TCF20: variants seen among roughly 807,000 people sequenced by gnomAD.
TCF20 encodes the protein SPRE-binding protein.
Under a neutral mutation model 148.6 loss-of-function variants are expected in TCF20, and 3 were observed. That is an observed-to-expected ratio of 0.02 (90% confidence interval 0.01 to 0.05). The LOEUF (loss-of-function observed/expected upper bound fraction) is 0.05, where lower values mean the gene tolerates loss of function less well. TCF20 is among the 10% of genes least tolerant of loss of function. TCF20 has a pLI of 1.00. For missense variants in TCF20, 2,350 were observed against 2,429.3 expected (o/e 0.97, Z 0.69); for synonymous variants, 1,049 against 909.5 (o/e 1.15, Z -2.76).
upstream of TCF20, among the ~76,000 whole-genome samples, chr22:42,287,023 C>G (rs1927044551): frequency 6.6e-6 from 1 of 151,482 alleles, no homozygotes; most frequent in Non-Finnish European, 1.5e-5. Flanking sequence ...GAAAGGCTTC[C>G]TGGAGGAGGA....
At chr22:42,342,050 C>A (rs1298214515) in intron 1 of TCF20, among the ~76,000 whole-genome samples, 3 of 152,090 alleles carry the variant, frequency 2.0e-5, no homozygotes, top group African/African-American at 7.2e-5. Flanking sequence ...GACCAGGGTA[C>A]ATCCACTTCC....
In TCF20 at chr22:42,212,437, T is replaced by C. The variant is rs1465504687; in HGVS notation, c.2869A>G (p.Lys957Glu). 4 of 1,614,100 alleles carry C rather than the reference T, an allele frequency of 2.5e-6. No individual in the cohort carries two copies. ...SGDHCHPPSIKHESYRGNASP... is the reference protein window; with the variant it reads ...SGDHCHPPSIEHESYRGNASP... ...GCATTGCCGCGGTAAGACTCATGCT[T>C]GATGCTAGGAGGATGGCAGTGGTCT... The change falls in exon 2 of 6, where the codon AAG becomes GAG. Residue 957 changes from lysine to glutamate, a missense_variant. Lys to Glu is a moderately conservative substitution (Grantham distance 56). This residue lies in a region of TCF20 where 1,641 missense variants were observed against 1,662.6 expected (regional missense o/e 0.99). Transcript: ENST00000677622.
At chr22:42,282,170 C>CCTT (rs968781473) in intron 1 of TCF20, among the ~76,000 whole-genome samples, 1 of 152,210 alleles carries the variant, frequency 6.6e-6, no homozygotes, top group Non-Finnish European at 1.5e-5. Context: ...CTTCCCCTGA[C>CCTT]CTTCTGCCTG....
At chr22:42,303,553 T>A (rs1927376957) in intron 1 of TCF20, among the ~76,000 whole-genome samples, 1 of 152,256 alleles carries the variant, frequency 6.6e-6, no homozygotes, top group Non-Finnish European at 1.5e-5. Flanking sequence ...TGAAGTAACT[T>A]GCCTGATAAG....
chr22:42,175,293 G>A (rs1446500480), intron 3 of TCF20, among the ~76,000 whole-genome samples: 2 of 152,186 alleles, frequency 1.3e-5, no homozygotes, highest in Admixed American at 1.3e-4. Context: ...AGCCTCCCGA[G>A]TACCTGAGAT....
At chr22:42,196,000 C>T (rs920745983) in intron 2 of TCF20, among the ~76,000 whole-genome samples, 3 of 152,150 alleles carry the variant, frequency 2.0e-5, no homozygotes, top group African/African-American at 4.8e-5. Flanking sequence ...CTGGTGAGGA[C>T]GACAATCAGA....
At chr22:42,230,740 A>C (rs1923325001) in intron 1 of TCF20, among the ~76,000 whole-genome samples, 1 of 152,220 alleles carries the variant, frequency 6.6e-6, no homozygotes, top group Non-Finnish European at 1.5e-5. Flanking sequence ...CAGTGGGCCA[A>C]GATGTGAAGC....
intron 5 of TCF20, among the ~76,000 whole-genome samples, chr22:42,161,790 T>C (rs1025052447): frequency 1.3e-5 from 2 of 152,182 alleles, no homozygotes; most frequent in Non-Finnish European, 2.9e-5. Context: ...TCCAGCCTTT[T>C]AGGACAGTTT....
At chr22:42,336,092 A>C (rs1928062656) in intron 1 of TCF20, among the ~76,000 whole-genome samples, 1 of 152,184 alleles carries the variant, frequency 6.6e-6, no homozygotes, top group Non-Finnish European at 1.5e-5. Context: ...GGCGCCAAAA[A>C]ACAGAGCAGG....
chr22:42,262,440 G>C (rs974189665), intron 1 of TCF20, among the ~76,000 whole-genome samples: 6 of 152,116 alleles, frequency 3.9e-5, no homozygotes, highest in African/African-American at 1.4e-4. Context: ...TACAGAGTTG[G>C]GGACAAATGC....
At chr22:42,321,516 T>C (rs1377979684) in intron 1 of TCF20, among the ~76,000 whole-genome samples, 1 of 150,396 alleles carries the variant, frequency 6.6e-6, no homozygotes, top group Non-Finnish European at 1.5e-5. Context: ...TGTCCTCTCT[T>C]CAACAAAATG....
At chr22:42,309,003 G>A (rs185010839) in intron 1 of TCF20, among the ~76,000 whole-genome samples, 1 of 152,256 alleles carries the variant, frequency 6.6e-6, no homozygotes, top group Non-Finnish European at 1.5e-5. Flanking sequence ...TGAACACCCA[G>A]GGAACACGCC....
intron 5 of TCF20, 100 bp from the exon 6 acceptor site, chr22:42,161,458 G>A: frequency 6.6e-7 from 1 of 1,515,478 alleles, no homozygotes; most frequent in Non-Finnish European, 9.1e-7. Flanking sequence ...TCAGCAGGGA[G>A]CCTGCACTCA....
intron 2 of TCF20, among the ~76,000 whole-genome samples, chr22:42,192,398 T>C (rs1393802269): frequency 6.6e-6 from 1 of 152,164 alleles, no homozygotes; most frequent in Non-Finnish European, 1.5e-5. Context: ...TCATATTACC[T>C]TCCTCTTTCG....
At chr22:42,342,703 G>A (rs757532910) in intron 1 of TCF20, among the ~76,000 whole-genome samples, 8 of 152,306 alleles carry the variant, frequency 5.3e-5, no homozygotes, top group Middle Eastern at 3.4e-3. Flanking sequence ...TCCAGAGCCC[G>A]ACCCTACTTC....
chr22:42,272,935 G>A (rs141281987), upstream of TCF20, among the ~76,000 whole-genome samples: 1,106 of 152,278 alleles, frequency 7.3e-3, 20 homozygotes, highest in African/African-American at 0.025. Context: ...GCCGAGGTGT[G>A]AGGATTGCTT....
chr22:42,333,252 G>A (rs1465861732), intron 1 of TCF20, among the ~76,000 whole-genome samples: 2 of 152,222 alleles, frequency 1.3e-5, no homozygotes, highest in Non-Finnish European at 2.9e-5. Context: ...CACCAGGGCT[G>A]TGTGTAGACA....
chr22:42,298,489 C>A (rs543268799), intron 1 of TCF20, among the ~76,000 whole-genome samples: 96 of 152,330 alleles, frequency 6.3e-4, no homozygotes, highest in African/African-American at 2.2e-3. Flanking sequence ...AGGGCCGAAG[C>A]CTCCTTGGCT....
At chr22:42,224,299 G>T (rs192289650) in intron 1 of TCF20, among the ~76,000 whole-genome samples, 1 of 151,744 alleles carries the variant, frequency 6.6e-6, no homozygotes, top group Non-Finnish European at 1.5e-5. Context: ...GTGAAACCCC[G>T]TCTCTACTAA....
Sources: allele counts gnomAD v4.1 joint callset (sites outside exome capture counted in the v4.1 genomes callset), GRCh38; gene constraint gnomAD v4.1.1; regional missense constraint gnomAD v4.1.1; transcripts MANE v1.5; gene names NCBI Gene and HGNC (gene_info 2026-07-23, HGNC 2026-07-21).